Variants in AGTPBP1 observed in about 807,000 individuals in gnomAD.
The protein encoded by AGTPBP1 is cytosolic carboxypeptidase 1.
A neutral mutation model predicts 143.9 loss-of-function variants in AGTPBP1; 70 were observed. That is an observed-to-expected ratio of 0.49 (90% confidence interval 0.40 to 0.59). AGTPBP1 has a LOEUF of 0.59. AGTPBP1 is among the 20% of genes least tolerant of loss of function. The probability of loss-of-function intolerance (pLI) is 0.00; values close to 1 mark genes in which losing one functional copy is unlikely to be tolerated. For synonymous variants in AGTPBP1, 463 were observed against 500.2 expected (o/e 0.93, Z 0.99); for missense variants, 1,229 against 1,464.5 (o/e 0.84, Z 2.62).
At chr9:85,779,410 T>G in the AGTPBP1 span, among the ~76,000 whole-genome samples, 1 of 152,008 alleles carries the variant, frequency 6.6e-6, no homozygotes, top group African/African-American at 2.4e-5. Context: ...ACTGAAGAGC[T>G]TAGAGTCTGA....
chr9:85,647,490 G>A (rs948081537), intron 11 of AGTPBP1, among the ~76,000 whole-genome samples: 3 of 151,618 alleles, frequency 2.0e-5, no homozygotes, highest in Non-Finnish European at 4.4e-5. Flanking sequence ...AAATACTATG[G>A]GAAAATGAGG....
At chr9:85,741,667 C>A (rs561351709) in intron 1 of AGTPBP1, 108 bp downstream of exon 1, 2 of 1,254,498 alleles carry the variant, frequency 1.6e-6, no homozygotes, top group African/African-American at 1.6e-5. Context: ...GCGCAGGGAT[C>A]CGGGGTCGCC....
chr9:85,726,446 G>C (rs766945672), intron 1 of AGTPBP1, among the ~76,000 whole-genome samples: 1 of 152,138 alleles, frequency 6.6e-6, no homozygotes, highest in Non-Finnish European at 1.5e-5. Flanking sequence ...ACAAATGCCC[G>C]ATAATCCGAT....
At chr9:85,691,170 T>C (rs1040796594) in intron 3 of AGTPBP1, among the ~76,000 whole-genome samples, 2 of 152,202 alleles carry the variant, frequency 1.3e-5, no homozygotes, top group Non-Finnish European at 2.9e-5. Flanking sequence ...AAGTACAATA[T>C]TTCCAGAGCC....
the AGTPBP1 span, among the ~76,000 whole-genome samples, chr9:85,795,856 G>GTTTTTTTTTT: frequency 1.4e-4 from 10 of 70,702 alleles, no homozygotes; most frequent in Non-Finnish European, 1.8e-4. Context: ...CTTCTTCTTA[G>GTTTTTTTTTT]TTTTTTTTTT....
intron 6 of AGTPBP1, among the ~76,000 whole-genome samples, chr9:85,674,241 A>G (rs995566428): frequency 2.0e-5 from 3 of 152,050 alleles, no homozygotes; most frequent in Non-Finnish European, 4.4e-5. Context: ...GAAAAATAAA[A>G]AGAATAGAAA....
chr9:85,602,684 A>T (rs1030428842), intron 17 of AGTPBP1, among the ~76,000 whole-genome samples: 1 of 152,208 alleles, frequency 6.6e-6, no homozygotes, highest in African/African-American at 2.4e-5. Context: ...ACCAAATTGA[A>T]CAACTATCCA....
the AGTPBP1 span, among the ~76,000 whole-genome samples, chr9:85,748,137 C>A: frequency 6.6e-6 from 1 of 152,158 alleles, no homozygotes; most frequent in Non-Finnish European, 1.5e-5. Flanking sequence ...CTCTATCACC[C>A]ACTTCACAGC....
At chr9:85,618,900 G>T in intron 17 of AGTPBP1, 83 bp downstream of exon 17, 1 of 1,418,894 alleles carries the variant, frequency 7.0e-7, no homozygotes, top group Non-Finnish European at 9.4e-7. Context: ...TTTTTTAAAA[G>T]TTGACAATTT....
the AGTPBP1 span, among the ~76,000 whole-genome samples, chr9:85,779,311 G>A: frequency 6.6e-6 from 1 of 150,924 alleles, no homozygotes; most frequent in South Asian, 2.1e-4. Context: ...ATATAAAGGG[G>A]AGTTTATTAT....
intron 14 of AGTPBP1, among the ~76,000 whole-genome samples, chr9:85,630,819 C>A (rs1302074701): frequency 6.6e-6 from 1 of 152,168 alleles, no homozygotes; most frequent in Non-Finnish European, 1.5e-5. Context: ...TCAGCTATCA[C>A]CTCTGCAGGT....
At chr9:85,604,990 C>T (rs1003038654) in intron 17 of AGTPBP1, among the ~76,000 whole-genome samples, 1 of 151,960 alleles carries the variant, frequency 6.6e-6, no homozygotes, top group South Asian at 2.1e-4. Context: ...TCGAGGCATA[C>T]TTCAATATCC....
chr9:85,726,751 C>T (rs1004624911), intron 1 of AGTPBP1, among the ~76,000 whole-genome samples: 1 of 151,800 alleles, frequency 6.6e-6, no homozygotes, highest in Non-Finnish European at 1.5e-5. Context: ...AGTTAAGTGT[C>T]AAATATACTG....
intron 17 of AGTPBP1, among the ~76,000 whole-genome samples, chr9:85,606,879 A>G (rs778979620): frequency 5.3e-5 from 8 of 152,004 alleles, no homozygotes; most frequent in Non-Finnish European, 8.8e-5. Context: ...AATTAAAATA[A>G]TAGATACAAA....
chr9:85,578,331 C>T (rs929958135), intron 24 of AGTPBP1, among the ~76,000 whole-genome samples: 1 of 152,158 alleles, frequency 6.6e-6, no homozygotes, highest in African/African-American at 2.4e-5. Flanking sequence ...ACACATAAGG[C>T]TGGCTGTGGT....
chr9:85,763,208 C>T, the AGTPBP1 span, among the ~76,000 whole-genome samples: 1 of 151,928 alleles, frequency 6.6e-6, no homozygotes, highest in African/African-American at 2.4e-5. Context: ...TCACATCAAG[C>T]CTGTCCAGAG....
At chr9:85,569,923 C>CA (rs1456445689) in intron 25 of AGTPBP1, among the ~76,000 whole-genome samples, 1 of 152,156 alleles carries the variant, frequency 6.6e-6, no homozygotes, top group Non-Finnish European at 1.5e-5. Context: ...AAGAACTGAA[C>CA]ACTTGCTCCT....
intron 13 of AGTPBP1, among the ~76,000 whole-genome samples, chr9:85,633,830 A>C (rs1024955167): frequency 1.3e-5 from 2 of 152,030 alleles, no homozygotes; most frequent in Non-Finnish European, 2.9e-5. Flanking sequence ...CAATACAACA[A>C]GTAATAAATA....
the AGTPBP1 span, chr9:85,770,503 G>C: frequency 7.0e-7 from 1 of 1,422,080 alleles, no homozygotes; most frequent in Non-Finnish European, 9.9e-7. Flanking sequence ...TTGTTTTTGA[G>C]GGTCAGAATA....
Sources: allele counts gnomAD v4.1 joint callset (sites outside exome capture counted in the v4.1 genomes callset), GRCh38; gene constraint gnomAD v4.1.1; transcripts MANE v1.5; gene names NCBI Gene and HGNC (gene_info 2026-07-23, HGNC 2026-07-21).